GNA12: variants seen among roughly 807,000 people sequenced by gnomAD.
The protein encoded by GNA12 is guanine nucleotide-binding protein subunit alpha-12.
GNA12 carries 9 observed loss-of-function variants against 26.0 expected under a neutral mutation model. That is an observed-to-expected ratio of 0.35 (90% CI 0.21 to 0.60). GNA12 has a LOEUF of 0.60. GNA12 is among the 20% of genes least tolerant of loss of function. The pLI is 0.78. For synonymous variants in GNA12, 264 were observed against 219.6 expected (o/e 1.20, Z -1.79); for missense variants, 405 against 525.8 (o/e 0.77, Z 2.25).
chr7:2,773,611 C>T (rs1792002991), intron 2 of GNA12, among the ~76,000 whole-genome samples: 1 of 152,076 alleles, frequency 6.6e-6, no homozygotes, highest in Non-Finnish European at 1.5e-5. Flanking sequence ...TACACGGCCA[C>T]CAGAATGGCT....
intron 2 of GNA12, among the ~76,000 whole-genome samples, chr7:2,734,816 C>T (rs1028944195): frequency 3.7e-4 from 56 of 152,164 alleles, no homozygotes; most frequent in Admixed American, 3.4e-3. Flanking sequence ...CAGGACGGGG[C>T]GAGCACGTGC....
chr7:2,822,225 C>T (rs1318758376), intron 1 of GNA12, among the ~76,000 whole-genome samples: 1 of 152,180 alleles, frequency 6.6e-6, no homozygotes. Context: ...GTTCTTCGTA[C>T]GTTTTCAACC....
At chr7:2,756,785 C>T (rs1763873244) in intron 2 of GNA12, among the ~76,000 whole-genome samples, 1 of 152,120 alleles carries the variant, frequency 6.6e-6, no homozygotes, top group South Asian at 2.1e-4. Flanking sequence ...GATTTGGTTA[C>T]TTTAAGTTAG....
At chr7:2,766,905 T>A (rs1355652670) in intron 2 of GNA12, among the ~76,000 whole-genome samples, 2 of 152,204 alleles carry the variant, frequency 1.3e-5, no homozygotes, top group African/African-American at 4.8e-5. Context: ...CTTGTTATTT[T>A]GTTTTTCTTC....
intron 2 of GNA12, among the ~76,000 whole-genome samples, chr7:2,759,207 C>G (rs1305891935): frequency 6.6e-6 from 1 of 151,036 alleles, no homozygotes; most frequent in Non-Finnish European, 1.5e-5. Context: ...AATAAAAACC[C>G]CATGATGGAT....
At chr7:2,833,925 C>G in intron 1 of GNA12, among the ~76,000 whole-genome samples, 1 of 151,874 alleles carries the variant, frequency 6.6e-6, no homozygotes, top group East Asian at 1.9e-4. Flanking sequence ...GCAAACAATT[C>G]TTCAAAAAAA....
intron 2 of GNA12, among the ~76,000 whole-genome samples, chr7:2,750,813 C>A (rs1583234562): frequency 2.0e-5 from 3 of 152,254 alleles, no homozygotes; most frequent in Admixed American, 2.0e-4. Flanking sequence ...CAAAGTGAGG[C>A]CTCAGAACCA....
intron 1 of GNA12, chr7:2,814,817 C>A: frequency 6.6e-7 from 1 of 1,526,414 alleles, no homozygotes; most frequent in South Asian, 1.2e-5. Context: ...TCCCAAGCAC[C>A]CTTCCTGTGC....
intron 2 of GNA12, chr7:2,775,449 T>C (rs1420343397): frequency 6.6e-6 from 1 of 151,858 alleles, no homozygotes; most frequent in Non-Finnish European, 1.5e-5. Flanking sequence ...CATCTGCAAA[T>C]AAAGCCTCCA....
intron 2 of GNA12, among the ~76,000 whole-genome samples, chr7:2,746,152 G>C (rs1009023255): frequency 1.3e-5 from 2 of 152,164 alleles, no homozygotes; most frequent in Admixed American, 1.3e-4. Context: ...ATTGAATTCA[G>C]CTCTGCACCA....
chr7:2,734,223 C>A (rs2115293402), intron 2 of GNA12, among the ~76,000 whole-genome samples: 1 of 152,326 alleles, frequency 6.6e-6, no homozygotes, highest in Non-Finnish European at 1.5e-5. Context: ...ACACACGGGG[C>A]ACGGGAGGAG....
At chr7:2,794,895 TCAGGTGCCCAG>T in intron 2 of GNA12, 22 bp downstream of exon 2, 1 of 1,451,882 alleles carries the variant, frequency 6.9e-7, no homozygotes, top group Non-Finnish European at 9.7e-7. Flanking sequence ...AAACACACTA[TCAGGTGCCCAG>T]CAAGAAGGCC....
intron 1 of GNA12, chr7:2,814,803 C>G: frequency 2.1e-6 from 3 of 1,438,966 alleles, no homozygotes; most frequent in Non-Finnish European, 2.9e-6. Context: ...CTGCCCCGCA[C>G]TGCTCCCAAG....
Position 2,813,673 on chromosome 7 carries a change from AG to A in GNA12, c.310-18531del, listed in dbSNP as rs199978809. Reference sequence around the variant, plus strand: ...AGGCAATCGCCCCATGTGAGCTGTCAGAGTGCAGCTGGAGGAGCAGGAAACA... The same window carrying A: ...AGGCAATCGCCCCATGTGAGCTGTCAAGTGCAGCTGGAGGAGCAGGAAACA... On this transcript the variant is annotated intron_variant, in intron 1 of 3. Coordinates refer to ENST00000275364, the MANE Select transcript of GNA12 (RefSeq NM_007353.3). Among the ~76,000 whole-genome samples the A allele has an allele frequency of 4.3e-3, 642 of 148,406 alleles. 5 individuals carry two copies. Among genetic ancestry groups the A allele is most frequent in the African/African-American group, 0.016 (611 of 37,854 alleles).
intron 1 of GNA12, among the ~76,000 whole-genome samples, chr7:2,834,421 T>A (rs1054860164): frequency 6.6e-6 from 1 of 152,242 alleles, no homozygotes; most frequent in Admixed American, 6.5e-5. Context: ...TCACGCTGTA[T>A]GTTAAAGTTA....
At chr7:2,826,035 G>T (rs989842494) in intron 1 of GNA12, among the ~76,000 whole-genome samples, 6 of 152,084 alleles carry the variant, frequency 3.9e-5, no homozygotes, top group African/African-American at 1.4e-4. Flanking sequence ...CTCATTCCCT[G>T]CTCTGGGAAT....
chr7:2,757,811 C>A (rs531216254), intron 2 of GNA12, among the ~76,000 whole-genome samples: 9 of 152,248 alleles, frequency 5.9e-5, no homozygotes, highest in African/African-American at 2.2e-4. Context: ...ACGTACTGAA[C>A]GCTTGCTGAG....
intron 2 of GNA12, among the ~76,000 whole-genome samples, chr7:2,758,711 C>T (rs1277054832): frequency 1.3e-5 from 2 of 152,164 alleles, no homozygotes; most frequent in Admixed American, 6.5e-5. Flanking sequence ...GCAGCGTGCC[C>T]CTAACAGCAG....
intron 2 of GNA12, among the ~76,000 whole-genome samples, chr7:2,737,985 G>T (rs763096761): frequency 6.6e-6 from 1 of 152,136 alleles, no homozygotes; most frequent in Non-Finnish European, 1.5e-5. Context: ...CAGGGCTGGC[G>T]TGAGATTAAA....
Sources: gnomAD v4.1 joint callset for allele counts (sites outside exome capture counted in the v4.1 genomes callset) on GRCh38, gnomAD v4.1.1 for gene constraint, MANE v1.5 for transcripts, NCBI Gene and HGNC (gene_info 2026-07-23, HGNC 2026-07-21) for gene names.